HGF: variants seen among roughly 807,000 people sequenced by gnomAD.
HGF encodes the protein hepatocyte growth factor, also known as fibroblast-derived tumor cytotoxic factor.
In HGF, 39 loss-of-function variants were observed where a neutral mutation model predicts 111.6. The ratio of observed to expected loss-of-function variants is 0.35; its 90% confidence interval spans 0.27 to 0.46. The LOEUF is 0.46. Among genes scored for constraint, HGF ranks in the 20% least tolerant of loss-of-function variants. The pLI is 1.00. For synonymous variants in HGF, 285 were observed against 294.8 expected (o/e 0.97, Z 0.34); for missense variants, 735 against 910.5 (o/e 0.81, Z 2.48).
intron 2 of HGF, among the ~76,000 whole-genome samples, chr7:81,761,638 T>A (rs1392366596): frequency 6.6e-6 from 1 of 152,092 alleles, no homozygotes; most frequent in Admixed American, 6.5e-5. Flanking sequence ...AAAATGTGTC[T>A]TCTTCTGACA....
intron 9 of HGF, among the ~76,000 whole-genome samples, chr7:81,725,121 T>A (rs1472838978): frequency 1.3e-5 from 2 of 152,182 alleles, no homozygotes; most frequent in Non-Finnish European, 2.9e-5. Context: ...GCAGCCAGAG[T>A]GATCCAGTTA....
chr7:81,727,914 A>G (rs555810408), intron 8 of HGF, among the ~76,000 whole-genome samples: 10 of 152,356 alleles, frequency 6.6e-5, no homozygotes, highest in African/African-American at 2.4e-4. Flanking sequence ...CTAGGTCCTT[A>G]CTTTTCACTT....
rs1414323193 is a variant in HGF at position 81,705,752 on chromosome 7, G to T, written c.1759C>A (p.Pro587Thr). 2 of 1,586,072 alleles carry T rather than the reference G, an allele frequency of 1.3e-6. No homozygotes were observed. Among genetic ancestry groups the T allele is most frequent in the Non-Finnish European group, 1.7e-6 (2 of 1,155,360 alleles). Reference protein sequence around the residue: ...SDLVLMKLARPAVLDDFVSTI... With the variant: ...SDLVLMKLARTAVLDDFVSTI... ...CTAACAAAATCATCCAGGACAGCAG[G>T]CCTGAAAACACAAAATACAATGGTA... Residue 587 changes from proline to threonine, a missense_variant and splice_region_variant, in exon 16 of 18, where the codon CCT becomes ACT. Physicochemically the swap from Pro to Thr is conservative, Grantham distance 38 (BLOSUM62 -1). Coordinates refer to ENST00000222390, the MANE Select transcript of HGF (RefSeq NM_000601.6).
At chr7:81,717,668 A>G (rs1159474479) in intron 10 of HGF, among the ~76,000 whole-genome samples, 1 of 152,046 alleles carries the variant, frequency 6.6e-6, no homozygotes, top group South Asian at 2.1e-4. Context: ...ACTTCTGTGC[A>G]TAGAAATAAG....
In HGF at chr7:81,741,603, G is replaced by A. The variant is rs546213257; in HGVS notation, c.865+1750C>T. On this transcript the variant is annotated intron_variant, in intron 7 of 17. Coordinates refer to ENST00000222390, the MANE Select transcript of HGF (RefSeq NM_000601.6). ...TGTGTCTGTGTGTGTGTGTGTGTGTGTGTGTGTGTGTATAGGTTTTATTCC... is the reference window on the plus strand; with the variant it reads ...TGTGTCTGTGTGTGTGTGTGTGTGTATGTGTGTGTGTATAGGTTTTATTCC... Among the ~76,000 whole-genome samples, 4 of 151,774 alleles carry A rather than the reference G, an allele frequency of 2.6e-5. No individual in the cohort carries two copies. The East Asian group carries it at 5.8e-4, about 22-fold the overall frequency.
intron 16 of HGF, 21 bp from the exon 17 acceptor site, chr7:81,705,556 T>C (rs2115763029): frequency 3.1e-6 from 5 of 1,610,540 alleles, no homozygotes; most frequent in Non-Finnish European, 3.4e-6. Context: ...GCAAAAAACA[T>C]ACAATAAGGT....
At chr7:81,736,261 G>C (rs967563974) in intron 7 of HGF, among the ~76,000 whole-genome samples, 1 of 151,970 alleles carries the variant, frequency 6.6e-6, no homozygotes, top group Non-Finnish European at 1.5e-5. Context: ...CGTTTCAAAC[G>C]TACACTCCGT....
intron 9 of HGF, among the ~76,000 whole-genome samples, chr7:81,724,259 A>T (rs1226425840): frequency 4.6e-5 from 7 of 152,172 alleles, no homozygotes; most frequent in African/African-American, 1.7e-4. Context: ...AGTGAAATTG[A>T]CTGAAAAGGG....
At chr7:81,768,537 G>A (rs1274213666) in intron 1 of HGF, among the ~76,000 whole-genome samples, 1 of 152,018 alleles carries the variant, frequency 6.6e-6, no homozygotes, top group Non-Finnish European at 1.5e-5. Context: ...CTGCCACCAC[G>A]CCTGGCTAAT....
intron 6 of HGF, among the ~76,000 whole-genome samples, chr7:81,744,491 T>C (rs971007170): frequency 1.3e-5 from 2 of 152,116 alleles, no homozygotes; most frequent in Admixed American, 1.3e-4. Flanking sequence ...ACTACTTATG[T>C]CATGCTGTTA....
intron 1 of HGF, among the ~76,000 whole-genome samples, chr7:81,764,894 T>C (rs976803583): frequency 6.6e-6 from 1 of 152,044 alleles, no homozygotes; most frequent in African/African-American, 2.4e-5. Context: ...TTGAAATGCT[T>C]CATAGCATAA....
intron 13 of HGF, among the ~76,000 whole-genome samples, chr7:81,708,017 C>A (rs1018519478): frequency 6.6e-6 from 1 of 152,050 alleles, no homozygotes; most frequent in Non-Finnish European, 1.5e-5. Context: ...AGTACTAGTA[C>A]ATTTTTTTGA....
At chr7:81,706,620 G>T (rs1385573895) in intron 14 of HGF, among the ~76,000 whole-genome samples, 193 bp from the exon 15 acceptor site, 1 of 151,884 alleles carries the variant, frequency 6.6e-6, no homozygotes, top group Non-Finnish European at 1.5e-5. Context: ...GCAGAAAGAG[G>T]CTTTAAATTG....
chr7:81,729,791 A>C lies in HGF; in HGVS notation c.866-12T>G, dbSNP rs774665929. The C allele has an allele frequency of 5.1e-5, 77 of 1,512,066 alleles. No homozygotes were observed. The highest frequency in any genetic ancestry group is 2.4e-4 in the East Asian group (10 of 41,334). The allele number at this position is 1,512,066 out of a possible 1,614,324, so 93.7% of individuals were successfully genotyped here. A position where few individuals can be genotyped will look rare whatever the true frequency, so the allele number is the denominator to read the frequency against. ...CATAGTATTGTCAGCTATTGGCAAA[A>C]AACAACAACAAAAAAAAACTTATAT... is the stretch of plus-strand genomic sequence containing the variant. On this transcript the variant is annotated splice_polypyrimidine_tract_variant and intron_variant, in intron 7 of 17. Transcript: ENST00000222390.
chr7:81,732,847 T>C (rs951842385), intron 7 of HGF, among the ~76,000 whole-genome samples: 3 of 152,154 alleles, frequency 2.0e-5, no homozygotes, highest in Admixed American at 6.6e-5. Flanking sequence ...GAAAGATCTA[T>C]ATTACCAAAA....
intron 7 of HGF, among the ~76,000 whole-genome samples, chr7:81,742,338 C>A (rs1788040837): frequency 6.6e-6 from 1 of 152,194 alleles, no homozygotes; most frequent in Non-Finnish European, 1.5e-5. Flanking sequence ...TTCAGAGGAA[C>A]TTCCCCATCA....
intron 8 of HGF, among the ~76,000 whole-genome samples, chr7:81,728,780 G>A (rs1790085959): frequency 6.6e-6 from 1 of 152,170 alleles, no homozygotes; most frequent in South Asian, 2.1e-4. Flanking sequence ...TCTTCATTCA[G>A]AAATGTTAGG....
Position 81,705,353 on chromosome 7 carries a change from G to A in HGF, c.2010+37C>T, listed in dbSNP as rs766064717. The A allele has an allele frequency of 6.9e-6, 11 of 1,588,318 alleles. No homozygotes were observed. The Admixed American group carries it at 8.4e-5, about 12-fold the overall frequency. ...AAATAAACATGAAACACTAAGCTATGAATCACATACTCCTTATTAAAGAAC... is the reference window on the plus strand; with the variant it reads ...AAATAAACATGAAACACTAAGCTATAAATCACATACTCCTTATTAAAGAAC... On this transcript the variant is annotated intron_variant, in intron 17 of 17. Transcript: ENST00000222390.
At chr7:81,724,660 T>C (rs1789958908) in intron 9 of HGF, among the ~76,000 whole-genome samples, 1 of 152,110 alleles carries the variant, frequency 6.6e-6, no homozygotes, top group South Asian at 2.1e-4. Flanking sequence ...GGTGCATAGA[T>C]TATTTTGCAT....
Sources: allele counts gnomAD v4.1 joint callset (sites outside exome capture counted in the v4.1 genomes callset), GRCh38; gene constraint gnomAD v4.1.1; transcripts MANE v1.5; gene names NCBI Gene and HGNC (gene_info 2026-07-23, HGNC 2026-07-21).